Variants in FAM216A observed in about 807,000 individuals in gnomAD.
The protein encoded by FAM216A is family with sequence similarity 216 member A, also known as protein FAM216A.
A neutral mutation model predicts 37.6 loss-of-function variants in FAM216A; 26 were observed. The observed-to-expected ratio is 0.69, with a 90% confidence interval of 0.51 to 0.96. FAM216A has a LOEUF of 0.96. FAM216A is among the 40% of genes least tolerant of loss of function. FAM216A has a pLI of 0.00. For synonymous variants in FAM216A, 110 were observed against 121.7 expected, an observed-to-expected ratio of 0.90 and a Z score of 0.64; for missense variants, 326 against 339.3, an observed-to-expected ratio of 0.96 and a Z score of 0.31.
intron 2 of FAM216A, 130 bp downstream of exon 2, chr12:110,473,248 G>A: frequency 2.5e-6 from 1 of 400,668 alleles, no homozygotes; most frequent in South Asian, 3.8e-5. Flanking sequence ...GTCTCACTCT[G>A]TTGCCTGGGC....
intron 2 of FAM216A, among the ~76,000 whole-genome samples, chr12:110,479,913 A>G (rs1334890168): frequency 2.0e-5 from 3 of 152,066 alleles, no homozygotes; most frequent in African/African-American, 4.8e-5. Flanking sequence ...GTATTTGCTT[A>G]GAGTTGTTTT....
intron 2 of FAM216A, among the ~76,000 whole-genome samples, chr12:110,473,704 C>G (rs1432855504): frequency 2.0e-5 from 3 of 152,124 alleles, no homozygotes; most frequent in Non-Finnish European, 2.9e-5. Flanking sequence ...CAGAGCACAG[C>G]CTGGGGTTTA....
chr12:110,468,909 G>T lies in FAM216A; in HGVS notation c.34G>T (p.Gly12Cys). 6.6e-7 allele frequency: 1 copy of T among 1,521,556 alleles called. No individual in the cohort carries two copies. Among genetic ancestry groups the T allele is most frequent in the South Asian group, 1.2e-5 (1 of 83,206 alleles). The allele number at this position is 1,521,556 out of a possible 1,614,324, so 94.3% of individuals were successfully genotyped here. ...ACAGCTGCTCCCGCACACGGCTCGC[G>T]GTCTCGGCGCCGCGGAGATGCCCGG... The part of the protein sequence containing the change: ...LGQLLPHTAR[G>C]LGAAEMPGQG... Residue 12 changes from glycine (G) to cysteine (C), a missense_variant, in exon 1 of 7, where the codon GGT (glycine) becomes TGT (cysteine). Coordinates refer to ENST00000377673, the MANE Select transcript of FAM216A (RefSeq NM_013300.3).
At chr12:110,476,516 TTA>T (rs1484724334) in intron 2 of FAM216A, among the ~76,000 whole-genome samples, 3 of 149,502 alleles carry the variant, frequency 2.0e-5, no homozygotes, top group Non-Finnish European at 4.4e-5. Flanking sequence ...CCTAATGTTT[TTA>T]TGTTTCTTAG....
intron 2 of FAM216A, among the ~76,000 whole-genome samples, chr12:110,475,209 G>A (rs907238341): frequency 1.3e-5 from 2 of 152,064 alleles, no homozygotes; most frequent in Admixed American, 6.6e-5. Context: ...AAATAAACAC[G>A]ATAGCCAACT....
At chr12:110,487,752 C>A in intron 5 of FAM216A, 109 bp from the exon 6 acceptor site, 1 of 724,548 alleles carries the variant, frequency 1.4e-6, no homozygotes, top group Admixed American at 2.4e-5. Context: ...CTGAAAGGGT[C>A]TTTTTGGTGA....
chr12:110,469,101 A>G (rs1479417740), intron 1 of FAM216A, 83 bp downstream of exon 1: 2 of 1,315,186 alleles, frequency 1.5e-6, no homozygotes, highest in Non-Finnish European at 1.9e-6. Flanking sequence ...CCCGTGGAGG[A>G]GGGCTGCGGC....
At chr12:110,472,060 T>C (rs1004688746) in intron 1 of FAM216A, among the ~76,000 whole-genome samples, 1 of 151,360 alleles carries the variant, frequency 6.6e-6, no homozygotes, top group Admixed American at 6.6e-5. Flanking sequence ...GGCGAAACCT[T>C]GTCTGTACTA....
chr12:110,489,699 A>G (rs1161383502), intron 6 of FAM216A, among the ~76,000 whole-genome samples: 1 of 152,084 alleles, frequency 6.6e-6, no homozygotes, highest in African/African-American at 2.4e-5. Flanking sequence ...AAGAGATGAG[A>G]AGGAACTAAA....
chr12:110,490,229 T>A lies in FAM216A; in HGVS notation c.*92T>A. The A allele has an allele frequency of 1.3e-6, 1 of 748,360 alleles. No homozygotes were observed. The highest frequency in any genetic ancestry group is 2.4e-6 in the Non-Finnish European group (1 of 419,158). The allele number at this position is 748,360 out of a possible 1,614,324, so 46.4% of individuals were successfully genotyped here. A position where few individuals can be genotyped will look rare whatever the true frequency, so the allele number is the denominator to read the frequency against. ...ATGTTTAGGATGGTATTGTTATTTA[T>A]TAAATCATTAAGTAATTTTGGTTTG... On this transcript the variant is annotated 3_prime_UTR_variant, in exon 7 of 7. Transcript: ENST00000377673.
intron 6 of FAM216A, among the ~76,000 whole-genome samples, chr12:110,488,953 TTTTG>T (rs1385417719): frequency 6.6e-6 from 1 of 152,200 alleles, no homozygotes; most frequent in African/African-American, 2.4e-5. Context: ...CTGTATACCA[TTTTG>T]TTTGATATTC....
At chr12:110,477,020 C>G (rs1212095803) in intron 2 of FAM216A, among the ~76,000 whole-genome samples, 1 of 152,108 alleles carries the variant, frequency 6.6e-6, no homozygotes, top group African/African-American at 2.4e-5. Flanking sequence ...TACATCTGGC[C>G]CAGGCCTGTT....
intron 2 of FAM216A, among the ~76,000 whole-genome samples, chr12:110,482,419 T>C (rs2062752397): frequency 6.6e-6 from 1 of 152,118 alleles, no homozygotes; most frequent in South Asian, 2.1e-4. Context: ...GCTTTATTTG[T>C]AATAGACAAA....
chr12:110,480,133 C>T (rs1276804525), intron 2 of FAM216A, among the ~76,000 whole-genome samples: 1 of 148,968 alleles, frequency 6.7e-6, no homozygotes, highest in African/African-American at 2.5e-5. Context: ...TCAAGCGATT[C>T]TCCTGCCTCA....
chr12:110,475,530 G>A (rs993910483), intron 2 of FAM216A, among the ~76,000 whole-genome samples: 3 of 151,844 alleles, frequency 2.0e-5, no homozygotes, highest in Middle Eastern at 3.4e-3. Flanking sequence ...GAGCCACAGC[G>A]CCTGGCCCTC....
At chr12:110,470,830 A>C (rs1031619077) in intron 1 of FAM216A, among the ~76,000 whole-genome samples, 1 of 152,156 alleles carries the variant, frequency 6.6e-6, no homozygotes, top group African/African-American at 2.4e-5. Context: ...CAATTAAAAA[A>C]AAAGACAGTA....
At chr12:110,473,173 C>G (rs1002340659) in intron 2 of FAM216A, 55 bp downstream of exon 2, 4 of 988,878 alleles carry the variant, frequency 4.0e-6, no homozygotes, top group East Asian at 2.5e-5. Flanking sequence ...TTCTGAGAAG[C>G]CTATTTGTCT....
intron 5 of FAM216A, 83 bp from the exon 6 acceptor site, chr12:110,487,778 A>T: frequency 1.2e-6 from 1 of 832,926 alleles, no homozygotes; most frequent in South Asian, 1.5e-5. Context: ...GCAGCTAATA[A>T]AACAAATTTG....
chr12:110,485,343 T>C, intron 3 of FAM216A, 144 bp downstream of exon 3: 1 of 611,046 alleles, frequency 1.6e-6, no homozygotes, highest in Non-Finnish European at 2.8e-6. Flanking sequence ...AATAAATATC[T>C]TTGAGTAAAC....
Sources: gnomAD v4.1 joint callset for allele counts (sites outside exome capture counted in the v4.1 genomes callset) on GRCh38, gnomAD v4.1.1 for gene constraint, MANE v1.5 for transcripts, NCBI Gene and HGNC (gene_info 2026-07-23, HGNC 2026-07-21) for gene names.